The following JPH3 variants were observed in gnomAD, a reference collection of about 807,000 sequenced individuals.
JPH3 encodes junctophilin 3, also known as junctophilin-3.
Under a neutral mutation model 59.6 loss-of-function variants are expected in JPH3, and 11 were observed. The ratio of observed to expected loss-of-function variants is 0.18; its 90% CI spans 0.12 to 0.31. The LOEUF is 0.31. JPH3 is among the 10% of genes least tolerant of loss of function. The pLI, the probability that JPH3 is intolerant of heterozygous loss-of-function variation, is 1.00. For synonymous variants in JPH3, 673 were observed against 483.6 expected, an observed-to-expected ratio of 1.39 and a Z score of -5.14; for missense variants, 1,202 against 1,105.7, an observed-to-expected ratio of 1.09 and a Z score of -1.24.
At chr16:87,633,707 G>A (rs2031639421) in intron 1 of JPH3, among the ~76,000 whole-genome samples, 1 of 151,978 alleles carries the variant, frequency 6.6e-6, no homozygotes, top group Non-Finnish European at 1.5e-5. Flanking sequence ...TCTGAGGCAG[G>A]AGAATCGCTT....
intron 1 of JPH3, among the ~76,000 whole-genome samples, chr16:87,616,193 TGTGTGTG>T (rs2030953678): frequency 1.6e-5 from 1 of 63,048 alleles, no homozygotes; most frequent in African/African-American, 5.3e-5. Context: ...TCTGGTTTTG[TGTGTGTG>T]TGTGTGTGTG....
At chr16:87,655,469 T>G (rs759201087) in intron 2 of JPH3, among the ~76,000 whole-genome samples, 2 of 152,158 alleles carry the variant, frequency 1.3e-5, no homozygotes, top group Non-Finnish European at 2.9e-5. Flanking sequence ...TCCTCCCACC[T>G]CAGCCTCCTG....
At chr16:87,604,369 A>G (rs1192547971) in intron 1 of JPH3, 2 of 1,439,728 alleles carry the variant, frequency 1.4e-6, no homozygotes, top group Admixed American at 4.2e-5. Flanking sequence ...CCGGCTCTGC[A>G]GCTGCCCGCC....
Position 87,681,918 on chromosome 16 carries a change from G to A in JPH3, c.1161-2224G>A, listed in dbSNP as rs955032030. 5.3e-5 allele frequency among the ~76,000 whole-genome samples: 8 copies of A among 152,266 alleles called. No homozygotes were observed. In the East Asian group the frequency reaches 1.2e-3, roughly 22 times the overall value. ...GTCCAGGGCTAGCTGTGTTCAGGCC[G>A]CGCATCTTTAGTTTTGGGGCATCGC... On this transcript the variant is annotated intron_variant, in intron 2 of 4. Transcript: ENST00000284262.
upstream of JPH3, chr16:87,601,958 C>T (rs190296424): frequency 4.5e-3 from 693 of 152,914 alleles, 3 homozygotes; most frequent in Non-Finnish European, 7.4e-3. Context: ...CACTCTTGGA[C>T]CCAAGCTGCC....
intron 1 of JPH3, among the ~76,000 whole-genome samples, chr16:87,623,295 G>T (rs890509179): frequency 1.3e-5 from 2 of 152,250 alleles, no homozygotes; most frequent in African/African-American, 4.8e-5. Context: ...AGGGGCAGGC[G>T]AGGGTGGACA....
At chr16:87,660,554 A>G (rs1459038260) in intron 2 of JPH3, among the ~76,000 whole-genome samples, 7 of 152,172 alleles carry the variant, frequency 4.6e-5, no homozygotes, top group Non-Finnish European at 1.0e-4. Context: ...AGCACAGACC[A>G]GTACACCAGG....
intron 1 of JPH3, among the ~76,000 whole-genome samples, chr16:87,612,564 T>G (rs2030768754): frequency 6.6e-6 from 1 of 152,136 alleles, no homozygotes; most frequent in Non-Finnish European, 1.5e-5. Flanking sequence ...GACTGACCCA[T>G]GCCGGGGTCC....
At chr16:87,650,043 A>T (rs1217721580) in intron 2 of JPH3, among the ~76,000 whole-genome samples, 2 of 152,160 alleles carry the variant, frequency 1.3e-5, no homozygotes. Context: ...GGGCAGGCCC[A>T]CCTTGATTCA....
intron 2 of JPH3, among the ~76,000 whole-genome samples, chr16:87,671,491 C>G (rs577351286): frequency 6.6e-6 from 1 of 152,230 alleles, no homozygotes; most frequent in Non-Finnish European, 1.5e-5. Flanking sequence ...TGTGCCTGCT[C>G]CTATCCACCA....
intron 4 of JPH3, chr16:87,695,264 C>G (rs1009545537): frequency 2.2e-6 from 1 of 455,186 alleles, no homozygotes; most frequent in Non-Finnish European, 4.4e-6. Context: ...ACCACCCCAT[C>G]ATGTCTTTGA....
rs922092413 is a variant in JPH3, at chr16:87,630,911, G to T, written c.383-13347G>T. Among the ~76,000 whole-genome samples the T allele has an allele frequency of 2.0e-5, 3 of 152,132 alleles. No individual in the cohort carries two copies. In the East Asian group the frequency reaches 5.8e-4, roughly 29 times the overall value. On this transcript the variant is annotated intron_variant, in intron 1 of 4. Transcript: ENST00000284262. ...TTTTTTGTTGTTAAATCCATACTCA[G>T]TGTTTTTCATTATGACTATGTAAGT...
chr16:87,634,836 C>G lies in JPH3; in HGVS notation c.383-9422C>G, dbSNP rs186099685. On this transcript the variant is annotated intron_variant, in intron 1 of 4. Coordinates refer to ENST00000284262, the MANE Select transcript of JPH3 (RefSeq NM_020655.4). ...GCACAGCATGGGACTGGCTGAGAGA[C>G]GCTCTGTGTGGGCTTCGGATCAGCT... 3.2e-3 allele frequency among the ~76,000 whole-genome samples: 494 copies of G among 152,370 alleles called. 1 individual carries two copies. Among genetic ancestry groups the G allele is most frequent in the Non-Finnish European group, 5.1e-3 (348 of 68,034 alleles).
rs8062502 is a variant in JPH3 at position 87,633,976 on chromosome 16, G to A, written c.383-10282G>A. Among the ~76,000 whole-genome samples the A allele has an allele frequency of 5.9e-3, 894 of 152,284 alleles. 14 individuals carry two copies. The highest frequency in any genetic ancestry group is 0.02 in the African/African-American group (827 of 41,556). ...TTTTAATGTCATATGAAGATTAGCT[G>A]TGAAAACGGAGGAGCGACCCGAATA... is the stretch of plus-strand genomic sequence containing the variant. On this transcript the variant is annotated intron_variant, in intron 1 of 4. Coordinates refer to ENST00000284262, the MANE Select transcript of JPH3 (RefSeq NM_020655.4).
intron 1 of JPH3, among the ~76,000 whole-genome samples, chr16:87,612,686 G>A (rs1403381435): frequency 1.3e-5 from 2 of 152,112 alleles, no homozygotes; most frequent in Non-Finnish European, 2.9e-5. Context: ...TTCACACTCT[G>A]GGTCAAGTGG....
chr16:87,618,282 C>G (rs943369916), intron 1 of JPH3, among the ~76,000 whole-genome samples: 1 of 152,064 alleles, frequency 6.6e-6, no homozygotes, highest in Non-Finnish European at 1.5e-5. Context: ...CCCCAGGACT[C>G]GAGAAGTGGG....
rs144251990 is a variant in JPH3 at position 87,619,270 on chromosome 16, G to A, written c.382+15742G>A. ...CAAGGCTGCCGTGAGCTATGATCAC[G>A]CCACTGCATTCCAGCCTGGGTGACA... is the stretch of plus-strand genomic sequence containing the variant. On this transcript the variant is annotated intron_variant, in intron 1 of 4. Transcript: ENST00000284262. Among the ~76,000 whole-genome samples, 160 of 149,080 alleles carry A rather than the reference G, an allele frequency of 1.1e-3. 1 individual carries two copies. Among genetic ancestry groups the A allele is most frequent in the African/African-American group, 3.8e-3 (152 of 40,344 alleles).
At chr16:87,629,067 TG>T (rs200340748) in intron 1 of JPH3, among the ~76,000 whole-genome samples, 4 of 151,344 alleles carry the variant, frequency 2.6e-5, no homozygotes, top group African/African-American at 7.3e-5. Flanking sequence ...GCTAACGCTG[TG>T]GGGGGGGCCC....
chr16:87,640,925 C>T (rs1163475880), intron 1 of JPH3, among the ~76,000 whole-genome samples: 1 of 152,206 alleles, frequency 6.6e-6, no homozygotes, highest in Admixed American at 6.5e-5. Flanking sequence ...ACTGTGTGGG[C>T]GGGTCTGGCC....
Sources: allele counts gnomAD v4.1 joint callset (sites outside exome capture counted in the v4.1 genomes callset), GRCh38; gene constraint gnomAD v4.1.1; transcripts MANE v1.5; gene names NCBI Gene and HGNC (gene_info 2026-07-23, HGNC 2026-07-21).